The following HAAO variants were observed in gnomAD, a reference collection of about 807,000 sequenced individuals.
The protein encoded by HAAO is 3-hydroxyanthranilate 3,4-dioxygenase.
A neutral mutation model predicts 46.2 loss-of-function variants in HAAO; 49 were observed. The observed-to-expected ratio is 1.06, with a 90% CI of 0.84 to 1.34. The LOEUF (loss-of-function observed/expected upper bound fraction) is 1.34. Ranked by LOEUF, HAAO falls within the 40% of genes most tolerant of loss-of-function variation. The probability of loss-of-function intolerance (pLI) is 0.00; values close to 1 mark genes in which losing one functional copy is unlikely to be tolerated. For missense variants in HAAO, 408 were observed against 364.5 expected, an observed-to-expected ratio of 1.12 and a Z score of -0.97; for synonymous variants, 157 against 145.2, an observed-to-expected ratio of 1.08 and a Z score of -0.58.
rs1227604776 is a variant in HAAO, at chr2:42,792,515, TC to T, written c.21del (p.Arg8GlyfsTer4). 5.0e-6 allele frequency: 8 copies of T among 1,592,204 alleles called. No homozygotes were observed. In the Admixed American group the frequency reaches 5.2e-5, roughly 10 times the overall value. On this transcript the variant is annotated frameshift_variant, in exon 1 of 10. Coordinates refer to ENST00000294973, the MANE Select transcript of HAAO (RefSeq NM_012205.3). LOFTEE classifies it high-confidence loss of function. ...CCCCGGTTCTCCTTCACCCAGGCCC[TC>T]ACTCCCAGGCGGCGCTCCATGACTG... is the stretch of plus-strand genomic sequence containing the variant. MERRLG[V>X]RAWVKENRGS... is the part of the protein sequence containing the mutation.
At chr2:42,775,799 C>G (rs1455417815) in intron 4 of HAAO, among the ~76,000 whole-genome samples, 2 of 150,600 alleles carry the variant, frequency 1.3e-5, no homozygotes, top group Admixed American at 6.6e-5. Flanking sequence ...TGTGGAACCC[C>G]AAGAATGTAA....
At chr2:42,774,740 G>A (rs1671408517) in intron 4 of HAAO, among the ~76,000 whole-genome samples, 2 of 152,108 alleles carry the variant, frequency 1.3e-5, no homozygotes, top group Non-Finnish European at 2.9e-5. Context: ...CCATTAGAGC[G>A]CTCAGTGATC....
At chr2:42,778,016 G>A (rs937329076) in intron 4 of HAAO, among the ~76,000 whole-genome samples, 1 of 152,074 alleles carries the variant, frequency 6.6e-6, no homozygotes, top group South Asian at 2.1e-4. Context: ...GGTAAATTTA[G>A]TTGTAGAGTA....
Position 42,769,187 on chromosome 2 carries a change from T to C in HAAO, c.630+526A>G, listed in dbSNP as rs116033033. 4.4e-3 allele frequency among the ~76,000 whole-genome samples: 668 copies of C among 152,340 alleles called. 3 individuals are homozygous for C. The highest frequency in any genetic ancestry group is 0.015 in the African/African-American group (634 of 41,572). On this transcript the variant is annotated intron_variant, in intron 7 of 9. Coordinates refer to ENST00000294973, the MANE Select transcript of HAAO (RefSeq NM_012205.3). The stretch of plus-strand genomic sequence containing the variant: ...ACTTGTCCATCTCTTTAACAAACTA[T>C]ACATTCTTTAAGGTAGCAACTCTAT...
In HAAO at chr2:42,767,125, G is replaced by C. The variant is rs1381973991; in HGVS notation, c.*312C>G. The C allele has an allele frequency of 1.0e-5, 5 of 486,492 alleles. No individual in the cohort carries two copies. Among genetic ancestry groups the C allele is most frequent in the African/African-American group, 1.9e-5 (1 of 51,596 alleles). The allele number at this position is 486,492 out of a possible 1,614,324, so 30.1% of individuals were successfully genotyped here. A position where few individuals can be genotyped will look rare whatever the true frequency, so the allele number is the denominator to read the frequency against. On this transcript the variant is annotated 3_prime_UTR_variant, in exon 10 of 10. Transcript: ENST00000294973. ...GGAAGCCTTTATTGAGGGCCTTCTT[G>C]GTGTGGAAGTGCTGCACTGAGTCTG...
intron 5 of HAAO, 58 bp from the exon 6 acceptor site, chr2:42,770,244 CG>C: frequency 7.0e-7 from 1 of 1,423,930 alleles, no homozygotes; most frequent in Non-Finnish European, 9.7e-7. Context: ...GAGTGGCCAG[CG>C]ACACACACAT....
rs1044016514 is a variant in HAAO at position 42,790,439 on chromosome 2, C to A, written c.81-1832G>T. On this transcript the variant is annotated intron_variant, in intron 1 of 9. Coordinates refer to ENST00000294973, the MANE Select transcript of HAAO (RefSeq NM_012205.3). ...TGAGATTAGAAGCACTGGGGGTGAG[C>A]TTGGGGAACGATTGAGAAGGCTGGT... Among the ~76,000 whole-genome samples the A allele has an allele frequency of 8.9e-4, 135 of 151,656 alleles. 1 individual carries two copies. Among genetic ancestry groups the A allele is most frequent in the African/African-American group, 3.0e-3 (126 of 41,362 alleles).
chr2:42,774,789 G>T (rs139454636), intron 4 of HAAO, among the ~76,000 whole-genome samples: 144 of 63,966 alleles, frequency 2.3e-3, no homozygotes, highest in African/African-American at 0.012. Flanking sequence ...TTCACTGTTT[G>T]TTGTTGTTGT....
In HAAO at chr2:42,768,778, A is replaced by G. The variant is rs908607133; in HGVS notation, c.631-850T>C. 3.3e-5 allele frequency among the ~76,000 whole-genome samples: 5 copies of G among 152,126 alleles called. No homozygotes were observed. In the South Asian group the frequency reaches 6.2e-4, roughly 19 times the overall value. ...ACTTTGGTGGAGGGCTGTTGTCTTT[A>G]GGACAAGTCCTCCCACCTTGCCTAG... is the stretch of plus-strand genomic sequence containing the variant. On this transcript the variant is annotated intron_variant, in intron 7 of 9. Coordinates refer to ENST00000294973, the MANE Select transcript of HAAO (RefSeq NM_012205.3).
intron 4 of HAAO, among the ~76,000 whole-genome samples, chr2:42,775,890 G>C (rs1272628178): frequency 1.9e-5 from 2 of 102,628 alleles, no homozygotes; most frequent in Admixed American, 2.4e-4. Flanking sequence ...TACTAAAATA[G>C]TTATTGTAAC....
Position 42,770,976 on chromosome 2 carries a change from C to A in HAAO, c.351-394G>T, listed in dbSNP as rs114503879. Among the ~76,000 whole-genome samples the A allele has an allele frequency of 3.7e-3, 568 of 152,336 alleles. 3 individuals carry two copies. The highest frequency in any genetic ancestry group is 0.014 in the Middle Eastern group (4 of 294). On this transcript the variant is annotated intron_variant, in intron 4 of 9. Transcript: ENST00000294973. ...ACTTAGAGAGCATCTAATCGCAGTT[C>A]TTTTGTTTTTCGCAAAGAGGAAGCT...
At chr2:42,769,691 G>A (rs370976363) in intron 7 of HAAO, 22 bp downstream of exon 7, 23 of 1,577,658 alleles carry the variant, frequency 1.5e-5, no homozygotes, top group South Asian at 7.0e-5. Flanking sequence ...AGGATGCCCC[G>A]GATGCCCCAG....
chr2:42,783,950 G>T (rs555173174), intron 2 of HAAO, 83 bp from the exon 3 acceptor site: 1 of 1,543,628 alleles, frequency 6.5e-7, no homozygotes, highest in Non-Finnish European at 8.8e-7. Context: ...AATTCTGACC[G>T]GGAAACCTGA....
intron 2 of HAAO, among the ~76,000 whole-genome samples, chr2:42,785,109 T>C (rs1672293929): frequency 6.6e-6 from 1 of 152,218 alleles, no homozygotes; most frequent in African/African-American, 2.4e-5. Flanking sequence ...TTAGCCTTTC[T>C]GTACCTCAGT....
chr2:42,783,635 G>C, intron 3 of HAAO, 149 bp downstream of exon 3: 3 of 725,802 alleles, frequency 4.1e-6, no homozygotes, highest in Non-Finnish European at 7.2e-6. Context: ...GAGGAAGGAT[G>C]GGGAAGGGGC....
In HAAO at chr2:42,767,300, GACA is replaced by G. The variant is rs1005339230; in HGVS notation, c.*134_*136del. ...GGCTGAGAAGGGCAGGAGGGTGGGT[GACA>G]ACAATGTGCAGGTCTGTGGGGGACA... On this transcript the variant is annotated 3_prime_UTR_variant, in exon 10 of 10. Transcript: ENST00000294973. The G allele has an allele frequency of 3.3e-5, 23 of 686,644 alleles. No individual in the cohort carries two copies. The Admixed American group carries it at 4.4e-4, about 13-fold the overall frequency. The allele number at this position is 686,644 out of a possible 1,614,324, so 42.5% of individuals were successfully genotyped here. A position where few individuals can be genotyped will look rare whatever the true frequency, so the allele number is the denominator to read the frequency against.
At chr2:42,775,530 G>T (rs1472681419) in intron 4 of HAAO, among the ~76,000 whole-genome samples, 1 of 60,406 alleles carries the variant, frequency 1.7e-5, no homozygotes, top group African/African-American at 1.1e-4. Flanking sequence ...CATCCAAGGG[G>T]TGTGTGTGTG....
At chr2:42,777,717 C>T (rs181211628) in intron 4 of HAAO, among the ~76,000 whole-genome samples, 250 of 152,058 alleles carry the variant, frequency 1.6e-3, no homozygotes, top group African/African-American at 6.0e-3. Context: ...ACAAACTTGT[C>T]ATAATTTAGA....
intron 4 of HAAO, among the ~76,000 whole-genome samples, chr2:42,776,713 A>G (rs1309311786): frequency 6.6e-6 from 1 of 150,522 alleles, no homozygotes; most frequent in African/African-American, 2.5e-5. Context: ...GCTCACTGCA[A>G]CTTCCGCCTC....
Sources: gnomAD v4.1 joint callset for allele counts (sites outside exome capture counted in the v4.1 genomes callset) on GRCh38, gnomAD v4.1.1 for gene constraint, MANE v1.5 for transcripts, NCBI Gene and HGNC (gene_info 2026-07-23, HGNC 2026-07-21) for gene names.